Variants in TSPAN18 observed in about 807,000 individuals in gnomAD.
TSPAN18 encodes the protein tetraspanin 18.
TSPAN18 carries 14 observed loss-of-function variants against 27.3 expected under a neutral mutation model. The observed-to-expected ratio is 0.51, with a 90% CI of 0.34 to 0.80. The LOEUF is 0.80. TSPAN18 is among the 30% of genes least tolerant of loss of function. TSPAN18 has a pLI of 0.01. For synonymous variants in TSPAN18, 143 were observed against 136.5 expected (o/e 1.05, Z -0.33); for missense variants, 268 against 323.9 (o/e 0.83, Z 1.32).
chr11:44,916,197 C>G (rs989447539), intron 5 of TSPAN18, among the ~76,000 whole-genome samples: 11 of 152,220 alleles, frequency 7.2e-5, no homozygotes, highest in African/African-American at 2.7e-4. Flanking sequence ...AAGGTGGACC[C>G]TGGCCCACAC....
intron 3 of TSPAN18, among the ~76,000 whole-genome samples, chr11:44,882,409 T>C (rs973531825): frequency 6.6e-6 from 1 of 152,036 alleles, no homozygotes; most frequent in African/African-American, 2.4e-5. Flanking sequence ...TGTACAGTGG[T>C]TCACACATGC....
intron 2 of TSPAN18, among the ~76,000 whole-genome samples, chr11:44,820,457 C>A (rs932273064): frequency 3.9e-5 from 6 of 152,190 alleles, no homozygotes; most frequent in Non-Finnish European, 8.8e-5. Context: ...ATGGACAGAG[C>A]TTTTTGCAAT....
chr11:44,855,232 C>T (rs1857704600), intron 2 of TSPAN18, among the ~76,000 whole-genome samples: 1 of 152,002 alleles, frequency 6.6e-6, no homozygotes, highest in African/African-American at 2.4e-5. Context: ...GTGCAAAAGT[C>T]ATAAAATACC....
chr11:44,915,937 C>T (rs998382325), intron 5 of TSPAN18, among the ~76,000 whole-genome samples: 4 of 152,188 alleles, frequency 2.6e-5, no homozygotes, highest in Admixed American at 2.6e-4. Context: ...ACCTCAGGGG[C>T]TCAGGAGCCC....
chr11:44,744,200 C>T (rs926933466), intron 1 of TSPAN18, among the ~76,000 whole-genome samples: 5 of 152,164 alleles, frequency 3.3e-5, no homozygotes, highest in African/African-American at 1.2e-4. Context: ...CGTGTATTAT[C>T]GCTTCGGAAA....
intron 3 of TSPAN18, among the ~76,000 whole-genome samples, chr11:44,876,330 G>C (rs1858331746): frequency 6.6e-6 from 1 of 152,200 alleles, no homozygotes; most frequent in Non-Finnish European, 1.5e-5. Context: ...AGCGTCCCCA[G>C]CCTGGACACT....
intron 2 of TSPAN18, among the ~76,000 whole-genome samples, chr11:44,787,749 C>G (rs1219283326): frequency 6.6e-6 from 1 of 152,236 alleles, no homozygotes; most frequent in East Asian, 1.9e-4. Flanking sequence ...AGCCAGGGAT[C>G]TGGCTGACCT....
At chr11:44,760,125 G>T (rs1590428627) in intron 1 of TSPAN18, among the ~76,000 whole-genome samples, 2 of 152,342 alleles carry the variant, frequency 1.3e-5, no homozygotes, top group South Asian at 2.1e-4. Flanking sequence ...TTAAAGGTGG[G>T]CCTGGAAAGG....
In TSPAN18 at chr11:44,802,285, G is replaced by A. The variant is rs919545593; in HGVS notation, c.-153+37773G>A. ...ACACAAAGGCTCTGAGATGGGTTCTGGGACCCAGAGAAGCGAAGCACAAAG... is the reference window on the plus strand; with the variant it reads ...ACACAAAGGCTCTGAGATGGGTTCTAGGACCCAGAGAAGCGAAGCACAAAG... On this transcript the variant is annotated intron_variant, in intron 2 of 9. Transcript: ENST00000520358. Among the ~76,000 whole-genome samples, 5 of 151,496 alleles carry A rather than the reference G, an allele frequency of 3.3e-5. 1 individual carries two copies. Among genetic ancestry groups the A allele is most frequent in the Non-Finnish European group, 7.4e-5 (5 of 67,916 alleles).
intron 3 of TSPAN18, among the ~76,000 whole-genome samples, chr11:44,864,298 A>AC (rs1272387840): frequency 2.0e-5 from 3 of 151,048 alleles, no homozygotes; most frequent in Non-Finnish European, 3.0e-5. Context: ...AAAAAAAAAA[A>AC]AAAAAAAACT....
At chr11:44,741,728 G>A (rs1409711355) in intron 1 of TSPAN18, among the ~76,000 whole-genome samples, 3 of 152,062 alleles carry the variant, frequency 2.0e-5, no homozygotes, top group African/African-American at 4.8e-5. Context: ...ATCCTGGGTC[G>A]GTCCCTACCA....
At chr11:44,878,185 C>T (rs1296737800) in intron 3 of TSPAN18, among the ~76,000 whole-genome samples, 1 of 152,196 alleles carries the variant, frequency 6.6e-6, no homozygotes, top group South Asian at 2.1e-4. Context: ...CTTCCCAGGC[C>T]TCCCCAGATT....
At chr11:44,917,905 A>G in intron 5 of TSPAN18, 67 bp from the exon 6 acceptor site, 1 of 1,462,504 alleles carries the variant, frequency 6.8e-7, no homozygotes, top group South Asian at 1.1e-5. Context: ...GGACGGATGC[A>G]TTGGCCAGTG....
Position 44,809,537 on chromosome 11 carries a change from C to T in TSPAN18, c.-153+45025C>T, listed in dbSNP as rs11038159. Among the ~76,000 whole-genome samples the T allele has an allele frequency of 0.011, 1,716 of 152,348 alleles. 113 individuals are homozygous for T. The East Asian group carries it at 0.2, about 17-fold the overall frequency. Reference sequence around the variant, plus strand: ...CCATAGATGCGTCTGGCTGTCAGGACATGGGCCCGAATAACCCAGCTTCTC... The same window carrying T: ...CCATAGATGCGTCTGGCTGTCAGGATATGGGCCCGAATAACCCAGCTTCTC... On this transcript the variant is annotated intron_variant, in intron 2 of 9. Coordinates refer to ENST00000520358, the MANE Select transcript of TSPAN18 (RefSeq NM_130783.5).
intron 8 of TSPAN18, among the ~76,000 whole-genome samples, chr11:44,923,840 G>C (rs1860239260): frequency 6.6e-6 from 1 of 152,172 alleles, no homozygotes; most frequent in African/African-American, 2.4e-5. Context: ...AACCTCCCCA[G>C]GGGTGTCTCT....
At chr11:44,823,993 G>C (rs1327230168) in intron 2 of TSPAN18, among the ~76,000 whole-genome samples, 1 of 152,152 alleles carries the variant, frequency 6.6e-6, no homozygotes, top group Non-Finnish European at 1.5e-5. Flanking sequence ...CTAGAGTCCC[G>C]TGCTGTAGCC....
intron 2 of TSPAN18, among the ~76,000 whole-genome samples, chr11:44,802,933 G>A (rs1358539503): frequency 6.6e-6 from 1 of 152,200 alleles, no homozygotes; most frequent in East Asian, 1.9e-4. Flanking sequence ...GCTCCAAGAT[G>A]GTGGGGACAG....
intron 2 of TSPAN18, among the ~76,000 whole-genome samples, chr11:44,781,245 C>T (rs772914404): frequency 5.3e-5 from 8 of 152,316 alleles, no homozygotes; most frequent in Non-Finnish European, 7.4e-5. Context: ...TGGTGGGTGG[C>T]TGCCTGCCAT....
At chr11:44,833,539 C>G (rs1354695088) in intron 2 of TSPAN18, among the ~76,000 whole-genome samples, 1 of 152,128 alleles carries the variant, frequency 6.6e-6, no homozygotes, top group Non-Finnish European at 1.5e-5. Flanking sequence ...TGCTTAGAAT[C>G]GTTATTTGAA....
Sources: allele counts gnomAD v4.1 joint callset (sites outside exome capture counted in the v4.1 genomes callset), GRCh38; gene constraint gnomAD v4.1.1; transcripts MANE v1.5; gene names NCBI Gene and HGNC (gene_info 2026-07-23, HGNC 2026-07-21).